The following SHPRH variants were observed in gnomAD, a reference collection of about 807,000 sequenced individuals.
The protein encoded by SHPRH is E3 ubiquitin-protein ligase SHPRH.
Under a neutral mutation model 202.5 loss-of-function variants are expected in SHPRH, and 106 were observed. That is an observed-to-expected ratio of 0.52 (90% CI 0.45 to 0.62). The LOEUF is 0.62. Ranked by LOEUF, SHPRH falls within the 20% of genes least tolerant of loss-of-function variation. SHPRH has a pLI of 0.00. For missense variants in SHPRH, 1,710 were observed against 2,020.0 expected (o/e 0.85, Z 2.94); for synonymous variants, 729 against 686.0 (o/e 1.06, Z -0.98).
In SHPRH at chr6:145,952,122, A is replaced by G. The variant is rs9497436; in HGVS notation, c.763+227T>C. ...ACTCTGCCTTTTGACTTGCATATTG[A>G]CTCCGCAAATATTTCTTTAATATTT... On this transcript the variant is annotated intron_variant, in intron 3 of 29. Coordinates refer to ENST00000275233, the MANE Select transcript of SHPRH (RefSeq NM_001042683.3). Among the ~76,000 whole-genome samples the G allele has an allele frequency of 5.2e-3, 796 of 152,208 alleles. 4 individuals are homozygous for G. Among genetic ancestry groups the G allele is most frequent in the African/African-American group, 0.018 (761 of 41,550 alleles).
chr6:145,910,390 CT>C (rs775895859), intron 25 of SHPRH, 57 bp downstream of exon 25: 1 of 1,561,784 alleles, frequency 6.4e-7, no homozygotes, highest in South Asian at 1.2e-5. Context: ...TAATCAGATA[CT>C]GCTTCCTATA....
intron 1 of SHPRH, among the ~76,000 whole-genome samples, chr6:145,962,263 A>C (rs1237128738): frequency 6.6e-6 from 1 of 152,226 alleles, no homozygotes; most frequent in East Asian, 1.9e-4. Flanking sequence ...GATGGGCAGG[A>C]GTAGTATCCT....
intron 1 of SHPRH, among the ~76,000 whole-genome samples, chr6:145,959,114 C>T (rs931976754): frequency 3.9e-5 from 6 of 152,198 alleles, no homozygotes; most frequent in South Asian, 2.1e-4. Context: ...GGACTACAGG[C>T]GTGAGCCACC....
downstream of SHPRH, among the ~76,000 whole-genome samples, chr6:145,881,869 C>T (rs141058032): frequency 0.046 from 6,913 of 151,918 alleles, 238 homozygotes; most frequent in East Asian, 0.17. Flanking sequence ...GTTGGGAGGC[C>T]GAGGCAGGTG....
chr6:145,914,491 CTAA>C (rs1209661167), intron 23 of SHPRH, among the ~76,000 whole-genome samples: 1 of 152,132 alleles, frequency 6.6e-6, no homozygotes, highest in Non-Finnish European at 1.5e-5. Context: ...CTCAATTCCA[CTAA>C]TGTGGCATGA....
intron 22 of SHPRH, 153 bp downstream of exon 22, chr6:145,919,195 A>C (rs1322697795): frequency 8.7e-7 from 1 of 1,144,314 alleles, no homozygotes; most frequent in African/African-American, 1.6e-5. Flanking sequence ...TTTTTGGTCT[A>C]TAAAGACAAT....
At chr6:145,863,521 C>G (rs1425081440), downstream of SHPRH, among the ~76,000 whole-genome samples, 1 of 152,038 alleles carries the variant, frequency 6.6e-6, no homozygotes, top group South Asian at 2.1e-4. Context: ...TTGCAATAGC[C>G]CATGTTATTA....
rs79112908 is a variant in SHPRH at position 145,922,390 on chromosome 6, C to T, written c.3720-42G>A. ...TAACAGAAATATTCACAAACATAACCAGCAATCTGGTAATTTTAAGGAGAA... is the reference window on the plus strand; with the variant it reads ...TAACAGAAATATTCACAAACATAACTAGCAATCTGGTAATTTTAAGGAGAA... On this transcript the variant is annotated intron_variant, in intron 19 of 29. Transcript: ENST00000275233. 8.7e-4 allele frequency: 1,330 copies of T among 1,534,020 alleles called. 6 individuals are homozygous for T. In the African/African-American group the frequency reaches 0.018, roughly 21 times the overall value.
chr6:145,922,440 C>CT (rs1784505948), intron 19 of SHPRH, 92 bp from the exon 20 acceptor site: 1 of 1,404,150 alleles, frequency 7.1e-7, no homozygotes, highest in Non-Finnish European at 9.6e-7. Context: ...CTTCATTTTT[C>CT]TTTCCACTAG....
At chr6:145,903,384 C>A (rs1159968332) in intron 25 of SHPRH, 4 of 150,938 alleles carry the variant, frequency 2.7e-5, no homozygotes, top group Non-Finnish European at 3.0e-5. Context: ...GAATTCTACA[C>A]ATAGTATGGC....
In SHPRH at chr6:145,927,008, G is replaced by A. The variant is rs117910790; in HGVS notation, c.3201+181C>T. The stretch of plus-strand genomic sequence containing the variant: ...CAAAACTTCCCTGAATGGAATAGTA[G>A]TGATTCTCAAATGTTAGTGTACATA... On this transcript the variant is annotated intron_variant, in intron 15 of 29. Transcript: ENST00000275233. 4.2e-3 allele frequency among the ~76,000 whole-genome samples: 634 copies of A among 152,056 alleles called. 17 individuals carry two copies. The East Asian group carries it at 0.071, about 17-fold the overall frequency.
chr6:145,941,413 G>A (rs1048229650), intron 10 of SHPRH, among the ~76,000 whole-genome samples: 2 of 152,162 alleles, frequency 1.3e-5, no homozygotes, highest in Non-Finnish European at 1.5e-5. Flanking sequence ...ATTTCATATA[G>A]AGCAATGAGT....
chr6:145,932,963 A>AG, intron 14 of SHPRH, 94 bp downstream of exon 14: 1 of 1,115,718 alleles, frequency 9.0e-7, no homozygotes, highest in Non-Finnish European at 1.2e-6. Flanking sequence ...TGGGGGAAAA[A>AG]TCCCCCCCCC....
intron 1 of SHPRH, among the ~76,000 whole-genome samples, chr6:145,961,705 GTGATAA>G (rs1789109045): frequency 6.6e-6 from 1 of 152,154 alleles, no homozygotes; most frequent in African/African-American, 2.4e-5. Flanking sequence ...GTACTTATCA[GTGATAA>G]TGATAAACTG....
chr6:145,912,117 T>C (rs1479311700), intron 24 of SHPRH, among the ~76,000 whole-genome samples: 1 of 151,568 alleles, frequency 6.6e-6, no homozygotes, highest in Non-Finnish European at 1.5e-5. Flanking sequence ...CACCTGACCA[T>C]TAGGAGTGAC....
chr6:145,943,840 T>A, intron 8 of SHPRH, 38 bp from the exon 9 acceptor site: 8 of 1,495,468 alleles, frequency 5.3e-6, no homozygotes, highest in Non-Finnish European at 7.2e-6. Context: ...TTGCAACTAG[T>A]TGCATTTCTG....
chr6:145,937,694 T>G (rs1786266002), intron 11 of SHPRH, among the ~76,000 whole-genome samples: 1 of 152,194 alleles, frequency 6.6e-6, no homozygotes, highest in Non-Finnish European at 1.5e-5. Flanking sequence ...ACCTACCTAG[T>G]CTCTCTATCC....
intron 1 of SHPRH, among the ~76,000 whole-genome samples, chr6:145,960,461 A>T (rs1788976933): frequency 6.6e-6 from 1 of 152,170 alleles, no homozygotes; most frequent in Admixed American, 6.5e-5. Context: ...ACTAACCATA[A>T]TAATATTAAT....
At chr6:145,919,571 A>C in intron 21 of SHPRH, 80 bp from the exon 22 acceptor site, 8 of 1,487,832 alleles carry the variant, frequency 5.4e-6, no homozygotes, top group Non-Finnish European at 7.2e-6. Context: ...TGCCTTAAGC[A>C]AAAGTCTTCA....
Sources: gnomAD v4.1 joint callset for allele counts (sites outside exome capture counted in the v4.1 genomes callset) on GRCh38, gnomAD v4.1.1 for gene constraint, MANE v1.5 for transcripts, NCBI Gene and HGNC (gene_info 2026-07-23, HGNC 2026-07-21) for gene names.